PDHX: variants seen among roughly 807,000 people sequenced by gnomAD.
The protein encoded by PDHX is pyruvate dehydrogenase complex component X.
Under a neutral mutation model 55.3 loss-of-function variants are expected in PDHX, and 33 were observed. The ratio of observed to expected loss-of-function variants is 0.60; its 90% confidence interval spans 0.45 to 0.80. PDHX has a LOEUF of 0.80. PDHX is among the 30% of genes least tolerant of loss of function. The pLI is 0.00. For synonymous variants in PDHX, 226 were observed against 219.4 expected, an observed-to-expected ratio of 1.03 and a Z score of -0.27; for missense variants, 622 against 619.9, an observed-to-expected ratio of 1.00 and a Z score of -0.04.
intron 6 of PDHX, 78 bp downstream of exon 6, chr11:34,966,892 C>G: frequency 7.6e-7 from 1 of 1,319,706 alleles, no homozygotes. Flanking sequence ...TGCACTGTCA[C>G]CCAGGCTGGA....
intron 5 of PDHX, among the ~76,000 whole-genome samples, chr11:34,962,873 A>G (rs758635467): frequency 4.7e-4 from 72 of 152,320 alleles, no homozygotes; most frequent in Admixed American, 2.1e-3. Context: ...TTAATGAAAC[A>G]TTTCTTAAGA....
intron 2 of PDHX, 33 bp from the exon 3 acceptor site, chr11:34,947,473 A>G (rs1289893646): frequency 6.9e-7 from 1 of 1,446,004 alleles, no homozygotes; most frequent in Non-Finnish European, 9.7e-7. Context: ...TTTATATTTT[A>G]AAAAACAAAA....
At position 34,992,304 on chromosome 11, in the gene PDHX, AT is replaced by A. The variant is rs769834289; in HGVS notation, c.1183-6del. ...TTGTTGGTTGTCCTATTCTGTTTGTATTTTTCTCAGGCTCTATCAAAGAAAG... is the reference window on the plus strand; with the variant it reads ...TTGTTGGTTGTCCTATTCTGTTTGTATTTTCTCAGGCTCTATCAAAGAAAG... On this transcript the variant is annotated splice_polypyrimidine_tract_variant and intron_variant, in intron 9 of 10. Coordinates refer to ENST00000227868, the MANE Select transcript of PDHX (RefSeq NM_003477.3). The A allele has an allele frequency of 1.9e-6, 3 of 1,562,540 alleles. No individual in the cohort carries two copies. The highest frequency in any genetic ancestry group is 2.7e-5 in the African/African-American group (2 of 73,892).
chr11:34,948,290 T>C (rs1418716781), intron 3 of PDHX, among the ~76,000 whole-genome samples: 2 of 152,184 alleles, frequency 1.3e-5, no homozygotes, highest in Non-Finnish European at 2.9e-5. Flanking sequence ...TCAGTCTGTA[T>C]GTTTGCCTAA....
intron 2 of PDHX, among the ~76,000 whole-genome samples, chr11:34,943,592 G>A (rs1024486446): frequency 4.6e-5 from 7 of 152,184 alleles, no homozygotes; most frequent in Admixed American, 1.3e-4. Context: ...AAGTATGTAA[G>A]ATGATATAAT....
rs769476738 is a variant in PDHX, at chr11:34,957,444, G to C, written c.403G>C (p.Gly135Arg). The change falls in exon 4 of 11, where the codon GGA becomes CGA. Residue 135 changes from glycine to arginine, a missense_variant. Coordinates refer to ENST00000227868, the MANE Select transcript of PDHX (RefSeq NM_003477.3). Reference protein sequence around the residue: ...GSLIGLIVEEGEDWKHVEIPK... With the variant: ...GSLIGLIVEEREDWKHVEIPK... ...ACTAATTGGTTTGATAGTAGAAGAA[G>C]GAGAAGATTGGAAACATGTTGAAAT... The C allele has an allele frequency of 6.2e-7, 1 of 1,613,568 alleles. No homozygotes were observed. The highest frequency in any genetic ancestry group is 8.5e-7 in the Non-Finnish European group (1 of 1,179,588).
At position 34,957,590 on chromosome 11, in the gene PDHX, A is replaced by G. The variant is rs1854934188; in HGVS notation, c.542+7A>G. 6.2e-7 allele frequency: 1 copy of G among 1,602,302 alleles called. No individual in the cohort carries two copies. Among genetic ancestry groups the G allele is most frequent in the South Asian group, 1.1e-5 (1 of 90,846 alleles). On this transcript the variant is annotated splice_region_variant and intron_variant, in intron 4 of 10. Transcript: ENST00000227868. The stretch of plus-strand genomic sequence containing the variant: ...ACATACCCGGGACACTACGGTGAGT[A>G]TATATTTATTCAAAGGATGATGTAA...
chr11:34,935,741 T>C (rs1854293994), intron 2 of PDHX, among the ~76,000 whole-genome samples: 1 of 152,168 alleles, frequency 6.6e-6, no homozygotes, highest in South Asian at 2.1e-4. Flanking sequence ...TTATGCGTCA[T>C]CTGGAGCAAT....
At chr11:34,969,327 A>G (rs1014445977) in intron 6 of PDHX, among the ~76,000 whole-genome samples, 2 of 148,238 alleles carry the variant, frequency 1.3e-5, no homozygotes, top group Admixed American at 6.7e-5. Context: ...TGGCTGTTTT[A>G]TTTCAGGTGG....
chr11:34,985,310 G>A (rs527329967), intron 9 of PDHX, among the ~76,000 whole-genome samples: 33 of 152,154 alleles, frequency 2.2e-4, no homozygotes, highest in African/African-American at 7.7e-4. Flanking sequence ...GTGTGGTGGC[G>A]CGTGCCTGTA....
intron 2 of PDHX, among the ~76,000 whole-genome samples, chr11:34,941,457 G>A (rs1484128009): frequency 6.6e-6 from 1 of 152,142 alleles, no homozygotes; most frequent in Admixed American, 6.5e-5. Context: ...GTAAATACTT[G>A]TAGAGTCAAC....
At position 34,995,111 on chromosome 11, in the gene PDHX, T is replaced by C. The variant is rs1339773143; in HGVS notation, c.1445T>C (p.Leu482Pro). 6.2e-7 allele frequency: 1 copy of C among 1,614,062 alleles called. No homozygotes were observed. Among genetic ancestry groups the C allele is most frequent in the South Asian group, 1.1e-5 (1 of 91,086 alleles). The stretch of plus-strand genomic sequence containing the variant: ...GACAGTCGAGTGGTTGATGACGAAC[T>C]GGCAACCAGGTTTCTTAAAAGTTTT... The part of the protein sequence containing the change: ...SSDSRVVDDE[L>P]ATRFLKSFKA... Residue 482 changes from leucine (L) to proline (P), a missense_variant, in exon 11 of 11, where the codon CTG (leucine) becomes CCG (proline). Coordinates refer to ENST00000227868, the MANE Select transcript of PDHX (RefSeq NM_003477.3).
chr11:34,968,638 A>T (rs1855187980), intron 6 of PDHX, among the ~76,000 whole-genome samples: 1 of 152,234 alleles, frequency 6.6e-6, no homozygotes, highest in South Asian at 2.1e-4. Flanking sequence ...TGTTATTTTT[A>T]AAAATTACAA....
At chr11:34,918,448 A>G (rs1392312097) in intron 1 of PDHX, among the ~76,000 whole-genome samples, 1 of 152,000 alleles carries the variant, frequency 6.6e-6, no homozygotes, top group Non-Finnish European at 1.5e-5. Context: ...GGAGAAAAAA[A>G]AAAAAAAGTA....
intron 8 of PDHX, among the ~76,000 whole-genome samples, chr11:34,980,160 C>G (rs1855476534): frequency 7.7e-6 from 1 of 129,716 alleles, no homozygotes; most frequent in Non-Finnish European, 1.7e-5. Context: ...CATTTTGTTT[C>G]TTATAATTAT....
intron 5 of PDHX, among the ~76,000 whole-genome samples, chr11:34,962,226 T>C (rs1267100031): frequency 1.3e-5 from 2 of 152,218 alleles, no homozygotes; most frequent in Non-Finnish European, 2.9e-5. Context: ...GATAAGGAGA[T>C]AAATTAATAG....
In PDHX at chr11:34,947,523, G is replaced by A. The variant is rs979734409; in HGVS notation, c.259G>A (p.Gly87Arg). 2.5e-6 allele frequency: 4 copies of A among 1,612,702 alleles called. No homozygotes were observed. The African/African-American group carries it at 4.0e-5, about 16-fold the overall frequency. The part of the protein sequence containing the change: ...LKKEGEAVSA[G>R]DALCEIETDK... ...TTTTGTAGGTGAAGCGGTGAGTGCT[G>A]GAGATGCATTATGTGAAATTGAGAC... Residue 87 changes from glycine (G) to arginine (R), a missense_variant, in exon 3 of 11, where the codon GGA becomes AGA. By Grantham distance (125) the Gly-to-Arg change is moderately radical. Transcript: ENST00000227868.
intron 9 of PDHX, among the ~76,000 whole-genome samples, chr11:34,985,508 G>T (rs1396353185): frequency 1.3e-5 from 2 of 152,202 alleles, no homozygotes; most frequent in African/African-American, 4.8e-5. Context: ...TTGAAAAGCA[G>T]TTTTTGTAAC....
intron 3 of PDHX, among the ~76,000 whole-genome samples, chr11:34,956,436 T>C (rs1854907509): frequency 6.6e-6 from 1 of 152,160 alleles, no homozygotes; most frequent in Non-Finnish European, 1.5e-5. Context: ...TATCATTCTA[T>C]TGTTCATTAA....
Sources: gnomAD v4.1 joint callset for allele counts (sites outside exome capture counted in the v4.1 genomes callset) on GRCh38, gnomAD v4.1.1 for gene constraint, MANE v1.5 for transcripts, NCBI Gene and HGNC (gene_info 2026-07-23, HGNC 2026-07-21) for gene names.